The following ATG10 variants were observed in gnomAD, a reference collection of about 807,000 sequenced individuals.
ATG10 encodes autophagy related 10, also known as ubiquitin-like-conjugating enzyme ATG10.
Under a neutral mutation model 32.1 loss-of-function variants are expected in ATG10, and 30 were observed. That is an observed-to-expected ratio of 0.94 (90% CI 0.70 to 1.27). The LOEUF (loss-of-function observed/expected upper bound fraction) is 1.27, where lower values mean the gene tolerates loss of function less well. Among genes scored for constraint, ATG10 ranks in the 50% most tolerant of loss-of-function variants. The pLI is 0.00. For missense variants in ATG10, 233 were observed against 262.3 expected, an observed-to-expected ratio of 0.89 and a Z score of 0.77; for synonymous variants, 87 against 91.5, an observed-to-expected ratio of 0.95 and a Z score of 0.28.
intron 3 of ATG10, chr5:82,111,516 A>G (rs1303056136): frequency 2.0e-5 from 3 of 151,946 alleles, no homozygotes; most frequent in Non-Finnish European, 2.9e-5. Context: ...GATGGTTCTC[A>G]GTTTTGTATG....
intron 5 of ATG10, among the ~76,000 whole-genome samples, chr5:82,180,496 A>G (rs1561343372): frequency 6.6e-6 from 1 of 152,156 alleles, no homozygotes; most frequent in Non-Finnish European, 1.5e-5. Context: ...TTTGGCAAGA[A>G]CATTTTATTT....
At chr5:82,138,804 T>C (rs1766887070) in intron 3 of ATG10, among the ~76,000 whole-genome samples, 1 of 142,212 alleles carries the variant, frequency 7.0e-6, no homozygotes. Flanking sequence ...AAGAACAAAA[T>C]TTGAAGCTAT....
At chr5:82,077,026 A>G (rs1764297658) in intron 3 of ATG10, among the ~76,000 whole-genome samples, 1 of 152,186 alleles carries the variant, frequency 6.6e-6, no homozygotes, top group African/African-American at 2.4e-5. Flanking sequence ...AAGGGAGAAC[A>G]ATAATTTTGA....
chr5:82,182,955 G>T (rs1744292227), intron 5 of ATG10, among the ~76,000 whole-genome samples: 1 of 151,874 alleles, frequency 6.6e-6, no homozygotes, highest in South Asian at 2.1e-4. Context: ...ATGTTCCCCA[G>T]GCTGCTCTTG....
chr5:82,092,914 A>T (rs1414763822), intron 3 of ATG10, among the ~76,000 whole-genome samples: 1 of 152,182 alleles, frequency 6.6e-6, no homozygotes, highest in African/African-American at 2.4e-5. Context: ...ACCTGAAAAC[A>T]AGAATGAGTA....
intron 3 of ATG10, among the ~76,000 whole-genome samples, chr5:82,124,301 C>CTTT (rs766690861): frequency 7.2e-6 from 1 of 138,522 alleles, no homozygotes; most frequent in African/African-American, 2.6e-5. Context: ...CTGCCCTTGG[C>CTTT]TTTTTTTTTT....
At chr5:82,252,142 G>T (rs1216269714) in intron 5 of ATG10, among the ~76,000 whole-genome samples, 1 of 152,166 alleles carries the variant, frequency 6.6e-6, no homozygotes, top group Non-Finnish European at 1.5e-5. Context: ...ATATGCAAAT[G>T]ATTTTGAGTC....
At chr5:82,034,615 G>A (rs573732658) in intron 2 of ATG10, among the ~76,000 whole-genome samples, 48 of 152,148 alleles carry the variant, frequency 3.2e-4, no homozygotes, top group Middle Eastern at 6.8e-3. Flanking sequence ...GCCTTCAGTG[G>A]TTCCTCTCGT....
In ATG10 at chr5:81,993,374, T is replaced by TTC. The variant is rs1554039358; in HGVS notation, c.108+5697_108+5698insCT. Among the ~76,000 whole-genome samples the TTC allele has an allele frequency of 4.4e-3, 175 of 39,798 alleles. 7 individuals are homozygous for TTC. Among genetic ancestry groups the TTC allele is most frequent in the African/African-American group, 0.014 (111 of 7,734 alleles). The allele number at this position is 39,798 out of a possible 152,430, so 26.1% of individuals were successfully genotyped here. On this transcript the variant is annotated intron_variant, in intron 2 of 7. Coordinates refer to ENST00000282185, the MANE Select transcript of ATG10 (RefSeq NM_031482.5). ...TTCTTTCTTTCCTTCTTTTCTTTTC[T>TTC]TTTCTTTTCTTTTCTTTTTTTTTCT...
chr5:82,014,500 A>C (rs961695819), intron 2 of ATG10, among the ~76,000 whole-genome samples: 2 of 152,152 alleles, frequency 1.3e-5, no homozygotes, highest in Admixed American at 6.5e-5. Flanking sequence ...TTGCTTTATG[A>C]ATCTGGGTGC....
intron 5 of ATG10, among the ~76,000 whole-genome samples, chr5:82,231,800 A>G (rs1269108316): frequency 1.3e-5 from 2 of 152,180 alleles, no homozygotes; most frequent in Non-Finnish European, 2.9e-5. Context: ...ATATTTTCAA[A>G]GTTGGGTAAG....
intron 3 of ATG10, among the ~76,000 whole-genome samples, chr5:82,091,675 C>CA (rs1201328967): frequency 4.6e-5 from 7 of 152,132 alleles, no homozygotes; most frequent in African/African-American, 1.7e-4. Context: ...TGTATGTTGA[C>CA]AAAGTCATAC....
intron 3 of ATG10, among the ~76,000 whole-genome samples, chr5:82,160,091 C>G (rs1023668062): frequency 6.6e-6 from 1 of 152,088 alleles, no homozygotes; most frequent in South Asian, 2.1e-4. Flanking sequence ...AGTTTTATCA[C>G]ATGTGTAGGC....
intron 2 of ATG10, among the ~76,000 whole-genome samples, chr5:82,039,948 A>C (rs2149726025): frequency 6.6e-6 from 1 of 152,298 alleles, no homozygotes; most frequent in South Asian, 2.1e-4. Context: ...TGGCTTCACT[A>C]ACATGCCTGG....
intron 2 of ATG10, among the ~76,000 whole-genome samples, chr5:82,016,938 C>T (rs187735971): frequency 5.9e-5 from 9 of 152,104 alleles, no homozygotes; most frequent in Non-Finnish European, 1.2e-4. Context: ...GATCCGCGCA[C>T]CTTAGCCTCC....
In ATG10 at chr5:82,164,636, T is replaced by C. The variant is rs1743507050; in HGVS notation, c.355+99T>C. The stretch of plus-strand genomic sequence containing the variant: ...ATTCTCCAGAGGAAAAAAAATAGAG[T>C]TAAAAATGAGAAAACTGTGGGTGAG... On this transcript the variant is annotated intron_variant, in intron 4 of 7. Transcript: ENST00000282185. 4.0e-6 allele frequency: 5 copies of C among 1,237,524 alleles called. No homozygotes were observed. In the Admixed American group the frequency reaches 1.3e-4, roughly 31 times the overall value. The allele number at this position is 1,237,524 out of a possible 1,614,324, so 76.7% of individuals were successfully genotyped here. A position where few individuals can be genotyped will look rare whatever the true frequency, so the allele number is the denominator to read the frequency against.
intron 3 of ATG10, among the ~76,000 whole-genome samples, chr5:82,139,058 G>A (rs1261691945): frequency 5.4e-5 from 8 of 149,230 alleles, no homozygotes; most frequent in East Asian, 2.0e-4. Context: ...TGGCCGGGCC[G>A]GTCTCCAGCC....
At chr5:82,252,793 A>G in intron 6 of ATG10, 134 bp downstream of exon 6, 1 of 609,874 alleles carries the variant, frequency 1.6e-6, no homozygotes, top group Middle Eastern at 3.6e-4. Context: ...TTTTTAGGAT[A>G]TGCTAGATGC....
intron 5 of ATG10, among the ~76,000 whole-genome samples, chr5:82,224,276 G>A (rs1343202467): frequency 1.3e-5 from 2 of 152,142 alleles, no homozygotes; most frequent in Non-Finnish European, 2.9e-5. Context: ...CCATGCAATT[G>A]AAACTTTATT....
Sources: gnomAD v4.1 joint callset for allele counts (sites outside exome capture counted in the v4.1 genomes callset) on GRCh38, gnomAD v4.1.1 for gene constraint, MANE v1.5 for transcripts, NCBI Gene and HGNC (gene_info 2026-07-23, HGNC 2026-07-21) for gene names.